RTN4IP1: variants seen among roughly 807,000 people sequenced by gnomAD.
RTN4IP1 encodes the protein reticulon 4 interacting protein 1.
Under a neutral mutation model 46.6 loss-of-function variants are expected in RTN4IP1, and 32 were observed. The observed-to-expected ratio is 0.69, with a 90% confidence interval of 0.52 to 0.92. The LOEUF is 0.92. RTN4IP1 is among the 40% of genes least tolerant of loss of function. The probability of loss-of-function intolerance (pLI) is 0.00; values close to 1 mark genes in which losing one functional copy is unlikely to be tolerated. For missense variants in RTN4IP1, 424 were observed against 485.8 expected, an observed-to-expected ratio of 0.87 and a Z score of 1.20; for synonymous variants, 167 against 161.8, an observed-to-expected ratio of 1.03 and a Z score of -0.24.
chr6:106,619,758 C>T (rs1776440504), intron 3 of RTN4IP1, among the ~76,000 whole-genome samples: 1 of 150,986 alleles, frequency 6.6e-6, no homozygotes, highest in Non-Finnish European at 1.5e-5. Flanking sequence ...ACTACAGGCG[C>T]CCGCCACTGC....
rs79782587 is a variant in RTN4IP1 at position 106,613,387 on chromosome 6, G to A, written c.620+5815C>T. Among the ~76,000 whole-genome samples, 199 of 152,298 alleles carry A rather than the reference G, an allele frequency of 1.3e-3. 4 individuals carry two copies. In the East Asian group the frequency reaches 0.037, roughly 28 times the overall value. On this transcript the variant is annotated intron_variant, in intron 4 of 8. Transcript: ENST00000369063. The stretch of plus-strand genomic sequence containing the variant: ...CACCCAGCACAGGGTCATGTGAGTA[G>A]TGAAGGAGAAAGAAAGTTAAACAAG...
Position 106,629,432 on chromosome 6 carries a change from G to C in RTN4IP1, c.-411C>G, listed in dbSNP as rs1776752836. 1 of 590,320 alleles carries C rather than the reference G, an allele frequency of 1.7e-6. No homozygotes were observed. Among genetic ancestry groups the C allele is most frequent in the South Asian group, 2.1e-5 (1 of 46,728 alleles). The allele number at this position is 590,320 out of a possible 1,614,324, so 36.6% of individuals were successfully genotyped here. On this transcript the variant is annotated 5_prime_UTR_variant, in exon 1 of 9. Coordinates refer to ENST00000369063, the MANE Select transcript of RTN4IP1 (RefSeq NM_032730.5). Reference sequence around the variant, plus strand: ...CCAGAGAATCGAACGCTTGCCGACTGCCGCCGCGACCCTGGCCCGGAATCT... The same window carrying C: ...CCAGAGAATCGAACGCTTGCCGACTCCCGCCGCGACCCTGGCCCGGAATCT...
chr6:106,612,318 T>C (rs1471532312), intron 4 of RTN4IP1, among the ~76,000 whole-genome samples: 1 of 126,666 alleles, frequency 7.9e-6, no homozygotes, highest in East Asian at 2.4e-4. Context: ...ACCTGGGAGG[T>C]GGAGGTTGCA....
rs1776728325 is a variant in RTN4IP1, at chr6:106,628,863, C to T, written c.159G>A (p.Lys53=). The T allele has an allele frequency of 6.2e-6, 10 of 1,614,024 alleles. No individual in the cohort carries two copies. The East Asian group carries it at 2.0e-4, about 32-fold the overall frequency. The change falls in exon 1 of 9, where the codon AAG becomes AAA. Residue 53 remains lysine (K), a synonymous_variant. Transcript: ENST00000369063. ...TCTGAGTGAATCGAAGCACTTCATTCTTCCCATATTTATCTATCACCCAAG... is the reference window on the plus strand; with the variant it reads ...TCTGAGTGAATCGAAGCACTTCATTTTTCCCATATTTATCTATCACCCAAG... The part of the protein sequence containing the change: ...MPAWVIDKYG[K]NEVLRFTQNM...
intron 8 of RTN4IP1, among the ~76,000 whole-genome samples, chr6:106,582,397 C>T (rs1775391996): frequency 6.6e-6 from 1 of 152,164 alleles, no homozygotes; most frequent in African/African-American, 2.4e-5. Context: ...ACAATGTATG[C>T]TGAAGTCTCA....
chr6:106,588,997 C>T (rs181285688), intron 6 of RTN4IP1, among the ~76,000 whole-genome samples: 1 of 150,732 alleles, frequency 6.6e-6, no homozygotes, highest in African/African-American at 2.4e-5. Context: ...GTAATCCCAA[C>T]TACTCAAGAG....
At chr6:106,623,023 A>G in intron 1 of RTN4IP1, 54 bp from the exon 2 acceptor site, 10 of 1,559,270 alleles carry the variant, frequency 6.4e-6, no homozygotes, top group African/African-American at 1.4e-5. Context: ...AATGCTTTTA[A>G]AACTACTACA....
Position 106,622,802 on chromosome 6 carries a change from G to A in RTN4IP1, c.426+16C>T, listed in dbSNP as rs75182014. ...GGGTTGGATCCCCGCAGGAATAGTG[G>A]CATTCCCTAACTCACCTCATCTCCA... On this transcript the variant is annotated intron_variant, in intron 2 of 8. Coordinates refer to ENST00000369063, the MANE Select transcript of RTN4IP1 (RefSeq NM_032730.5). 6.0e-4 allele frequency: 963 copies of A among 1,607,166 alleles called. 8 individuals carry two copies. In the African/African-American group the frequency reaches 0.012, roughly 20 times the overall value.
chr6:106,621,471 C>T lies in RTN4IP1; in HGVS notation c.449G>A (p.Trp150Ter). Residue 150 changes from tryptophan (W) to a stop codon, truncating the protein, a stop_gained, in exon 3 of 9, where the codon TGG becomes TAG. Transcript: ENST00000369063. LOFTEE classifies it high-confidence loss of function. ...GDEVWAAVPP[W>*]KQGTLSEFVV... ...AAACTCTGAAAGAGTGCCTTGTTTCCAAGGAGGAACTGCAGCCCAGACCTG... is the reference window on the plus strand; with the variant it reads ...AAACTCTGAAAGAGTGCCTTGTTTCTAAGGAGGAACTGCAGCCCAGACCTG... 6.2e-7 allele frequency: 1 copy of T among 1,613,848 alleles called. No homozygotes were observed. The highest frequency in any genetic ancestry group is 1.6e-4 in the Middle Eastern group (1 of 6,062).
chr6:106,616,047 T>C (rs953123184), intron 4 of RTN4IP1, among the ~76,000 whole-genome samples: 5 of 152,078 alleles, frequency 3.3e-5, no homozygotes, highest in Non-Finnish European at 7.3e-5. Context: ...GGCTCCCGAG[T>C]AGCTTGAACT....
rs1775514159 is a variant in RTN4IP1 at position 106,587,528 on chromosome 6, G to A, written c.990+151C>T. The A allele has an allele frequency of 7.6e-6, 5 of 659,166 alleles. No individual in the cohort carries two copies. The Middle Eastern group carries it at 1.3e-3, about 170-fold the overall frequency. The allele number at this position is 659,166 out of a possible 1,614,324, so 40.8% of individuals were successfully genotyped here. ...TTACACAGCTACTAAGTAGAGGTCA[G>A]ATTTTGAAGCCAGTCACTGTGACTG... On this transcript the variant is annotated intron_variant, in intron 7 of 8. Transcript: ENST00000369063.
chr6:106,589,991 C>T (rs990447105), intron 6 of RTN4IP1, among the ~76,000 whole-genome samples: 26 of 152,170 alleles, frequency 1.7e-4, no homozygotes, highest in African/African-American at 6.3e-4. Context: ...TCAAGTTCTC[C>T]TACTCTCTGG....
chr6:106,602,761 T>C (rs953727056), intron 5 of RTN4IP1, 113 bp downstream of exon 5: 9 of 625,548 alleles, frequency 1.4e-5, no homozygotes, highest in Non-Finnish European at 2.1e-5. Flanking sequence ...GAAATTACAG[T>C]ACATTTACCA....
At chr6:106,582,721 A>G (rs543665787) in intron 8 of RTN4IP1, among the ~76,000 whole-genome samples, 26 of 152,156 alleles carry the variant, frequency 1.7e-4, no homozygotes, top group Non-Finnish European at 3.5e-4. Context: ...GTGGCAGCTG[A>G]GGAGGCTTTC....
At chr6:106,605,411 C>A (rs1454719976) in intron 4 of RTN4IP1, among the ~76,000 whole-genome samples, 1 of 143,226 alleles carries the variant, frequency 7.0e-6, no homozygotes, top group Non-Finnish European at 1.5e-5. Context: ...GGCAACAGAG[C>A]GAGACCCTGT....
intron 1 of RTN4IP1, among the ~76,000 whole-genome samples, chr6:106,624,819 CCAGCTACT>C (rs552213244): frequency 1.2e-3 from 186 of 150,044 alleles, no homozygotes; most frequent in African/African-American, 4.4e-3. Flanking sequence ...GCCTGTAATC[CCAGCTACT>C]CAGGAGGCTG....
At chr6:106,619,171 T>TA in intron 4 of RTN4IP1, 31 bp downstream of exon 4, 1 of 1,611,874 alleles carries the variant, frequency 6.2e-7, no homozygotes, top group Non-Finnish European at 8.5e-7. Context: ...AGAAAAGAGG[T>TA]TTAGATGCTG....
chr6:106,619,242 T>C lies in RTN4IP1; in HGVS notation c.580A>G (p.Lys194Glu), dbSNP rs149613605. The C allele has an allele frequency of 6.2e-7, 1 of 1,614,086 alleles. No individual in the cohort carries two copies. The highest frequency in any genetic ancestry group is 1.3e-5 in the African/African-American group (1 of 74,950). The stretch of plus-strand genomic sequence containing the variant: ...TTCTTGTCATTCAGGCCACCAACTT[T>C]GTTTATAGCAGACCAGGCTGTGAGA... ...VALTAWSAIN[K>E]VGGLNDKNCT... is the part of the protein sequence containing the mutation. The change falls in exon 4 of 9, where the codon AAA (lysine) becomes GAA (glutamate). Residue 194 changes from lysine (K) to glutamate (E), a missense_variant. Lys to Glu is a moderately conservative substitution (Grantham distance 56, BLOSUM62 1). Coordinates refer to ENST00000369063, the MANE Select transcript of RTN4IP1 (RefSeq NM_032730.5).
intron 1 of RTN4IP1, among the ~76,000 whole-genome samples, chr6:106,625,659 T>C (rs1776616120): frequency 7.1e-6 from 1 of 141,642 alleles, no homozygotes; most frequent in Non-Finnish European, 1.5e-5. Context: ...TTTCTTTTTT[T>C]TCTTTTTTTT....
Sources: allele counts gnomAD v4.1 joint callset (sites outside exome capture counted in the v4.1 genomes callset), GRCh38; gene constraint gnomAD v4.1.1; transcripts MANE v1.5; gene names NCBI Gene and HGNC (gene_info 2026-07-23, HGNC 2026-07-21).